ZNF100: variants seen among roughly 807,000 people sequenced by gnomAD.
ZNF100 encodes zinc finger protein 100 (Y1).
ZNF100 carries 12 observed loss-of-function variants against 15.8 expected under a neutral mutation model. The observed-to-expected ratio is 0.76, with a 90% CI of 0.49 to 1.23. The LOEUF is 1.23. Among genes scored for constraint, ZNF100 ranks in the 50% most tolerant of loss-of-function variants. ZNF100 has a pLI of 0.00. For missense variants in ZNF100, 670 were observed against 635.6 expected (o/e 1.05, Z -0.58); for synonymous variants, 226 against 214.8 (o/e 1.05, Z -0.45).
rs2035717820 is a variant in ZNF100, at chr19:21,723,396, T to G, written c.*3287A>C. On this transcript the variant is annotated 3_prime_UTR_variant, in exon 5 of 5. Coordinates refer to ENST00000358296, the MANE Select transcript of ZNF100 (RefSeq NM_173531.4). ...AAAAAAAAAAAAACAACCAACTTTC[T>G]CGTCAAAATTTACAAAGTACCATGT... 6.8e-6 allele frequency: 1 copy of G among 147,796 alleles called. No individual in the cohort carries two copies. The highest frequency in any genetic ancestry group is 2.5e-5 in the African/African-American group (1 of 40,002). 9.2% of individuals were successfully genotyped at this position (147,796 alleles called of 1,614,324 possible).
intron 4 of ZNF100, among the ~76,000 whole-genome samples, chr19:21,738,248 CAAAAAAAAAAAAAAAAAAAAAAAA>C (rs769582572): frequency 1.3e-3 from 55 of 42,992 alleles, no homozygotes; most frequent in Middle Eastern, 0.028. Flanking sequence ...GACACTATGT[CAAAAAAAAAAAAAAAAAAAAAAAA>C]AAAAAAAAAA....
chr19:21,732,344 G>A (rs2035934903), intron 4 of ZNF100, among the ~76,000 whole-genome samples: 1 of 152,044 alleles, frequency 6.6e-6, no homozygotes, highest in South Asian at 2.1e-4. Flanking sequence ...TTTTATAACT[G>A]GTCACCTAGC....
At chr19:21,740,333 T>TA (rs1482489672) in intron 4 of ZNF100, among the ~76,000 whole-genome samples, 1 of 151,572 alleles carries the variant, frequency 6.6e-6, no homozygotes, top group African/African-American at 2.4e-5. Context: ...AATACTTACA[T>TA]AAAAAAACTA....
At chr19:21,751,859 A>C in intron 2 of ZNF100, 1 of 744,242 alleles carries the variant, frequency 1.3e-6, no homozygotes, top group Non-Finnish European at 2.3e-6. Context: ...AGCTGTAAGA[A>C]GGTCTTTCAG....
chr19:21,747,813 T>C (rs2036237010), intron 2 of ZNF100, among the ~76,000 whole-genome samples: 1 of 152,244 alleles, frequency 6.6e-6, no homozygotes, highest in South Asian at 2.1e-4. Context: ...AGGTACTATG[T>C]GCTCAAGAGT....
intron 2 of ZNF100, chr19:21,750,724 G>C (rs768161631): frequency 1.3e-5 from 4 of 299,632 alleles, no homozygotes; most frequent in Non-Finnish European, 2.4e-5. Context: ...CCAGCGAGGA[G>C]GCACCTGCTT....
At chr19:21,742,492 CTCAAAAAACAAAAA>C (rs762915749) in intron 4 of ZNF100, among the ~76,000 whole-genome samples, 6 of 146,536 alleles carry the variant, frequency 4.1e-5, no homozygotes, top group Admixed American at 4.1e-4. Flanking sequence ...GAAACGCCGT[CTCAAAAAACAAAAA>C]ACAAAAAACA....
At chr19:21,731,282 GTTTC>G (rs1354724204) in intron 4 of ZNF100, among the ~76,000 whole-genome samples, 1 of 128,828 alleles carries the variant, frequency 7.8e-6, no homozygotes, top group Non-Finnish European at 1.6e-5. Context: ...AGCAATGCAA[GTTTC>G]TTTCCTTTTT....
At chr19:21,750,812 G>C in intron 2 of ZNF100, 1 of 424,808 alleles carries the variant, frequency 2.4e-6, no homozygotes, top group East Asian at 3.5e-5. Context: ...GCTAGAGAAG[G>C]CGCCAGCCCC....
At position 21,727,840 on chromosome 19, in the gene ZNF100, G is replaced by A. The variant is rs760173203; in HGVS notation, c.472C>T (p.His158Tyr). 8 of 1,613,116 alleles carry A rather than the reference G, an allele frequency of 5.0e-6. No individual in the cohort carries two copies. The South Asian group carries it at 7.7e-5, about 16-fold the overall frequency. ...GCKSVDECKV[H>Y]KEHDNKLNQC... ...TTTAATTTGTTATCATGTTCTTTGT[G>A]CACTTTACACTCATCCACACTTTTA... Residue 158 changes from histidine (H) to tyrosine (Y), a missense_variant, in exon 5 of 5, where the codon CAC (histidine) becomes TAC (tyrosine). By Grantham distance (83) the His-to-Tyr change is moderately conservative. Transcript: ENST00000358296.
At chr19:21,731,332 G>T (rs1599378620) in intron 4 of ZNF100, among the ~76,000 whole-genome samples, 2 of 142,000 alleles carry the variant, frequency 1.4e-5, no homozygotes, top group African/African-American at 2.7e-5. Context: ...TTTTTGAGAT[G>T]GAGTCTTGCA....
intron 1 of ZNF100, 44 bp from the exon 2 acceptor site, chr19:21,765,830 T>G: frequency 6.4e-7 from 1 of 1,568,160 alleles, no homozygotes; most frequent in Non-Finnish European, 8.8e-7. Flanking sequence ...ACTAGGCACT[T>G]TAGCTGACAG....
At chr19:21,742,273 G>C (rs2036123780) in intron 4 of ZNF100, among the ~76,000 whole-genome samples, 1 of 147,824 alleles carries the variant, frequency 6.8e-6, no homozygotes, top group South Asian at 2.2e-4. Context: ...CTCCAGCCTC[G>C]GCGACAGAGC....
intron 4 of ZNF100, among the ~76,000 whole-genome samples, chr19:21,733,560 T>C (rs1211401273): frequency 6.6e-6 from 1 of 152,176 alleles, no homozygotes; most frequent in African/African-American, 2.4e-5. Flanking sequence ...AAAAGACATA[T>C]CTACAAGAAA....
At chr19:21,733,342 T>C (rs186418605) in intron 4 of ZNF100, among the ~76,000 whole-genome samples, 173 of 138,270 alleles carry the variant, frequency 1.3e-3, no homozygotes, top group African/African-American at 4.6e-3. Context: ...AGAGGTTTTG[T>C]ACTTAATTGA....
intron 4 of ZNF100, among the ~76,000 whole-genome samples, 197 bp from the exon 5 acceptor site, chr19:21,728,186 T>C (rs2035849491): frequency 6.7e-6 from 1 of 149,632 alleles, no homozygotes; most frequent in African/African-American, 2.5e-5. Context: ...ATGAGTTAAG[T>C]GTGTGAAGTG....
chr19:21,738,984 T>A (rs112342829), intron 4 of ZNF100, among the ~76,000 whole-genome samples: 311 of 152,256 alleles, frequency 2.0e-3, no homozygotes, highest in Non-Finnish European at 3.2e-3. Context: ...ATGAACCAGC[T>A]CTCATTTGAA....
chr19:21,728,136 A>C (rs2035848285), intron 4 of ZNF100, 147 bp from the exon 5 acceptor site: 4 of 827,534 alleles, frequency 4.8e-6, no homozygotes, highest in Non-Finnish European at 6.6e-6. Context: ...AAATGTAAAA[A>C]AAAAAAAACC....
At chr19:21,766,943 G>T (rs560429173) in intron 1 of ZNF100, among the ~76,000 whole-genome samples, 1 of 152,174 alleles carries the variant, frequency 6.6e-6, no homozygotes, top group African/African-American at 2.4e-5. Context: ...GCAGTGAGGG[G>T]AGATCGCGCC....
Sources: allele counts gnomAD v4.1 joint callset (sites outside exome capture counted in the v4.1 genomes callset), GRCh38; gene constraint gnomAD v4.1.1; transcripts MANE v1.5; gene names NCBI Gene and HGNC (gene_info 2026-07-23, HGNC 2026-07-21).